Variants in RAPGEF2 observed in about 807,000 individuals in gnomAD.
The protein encoded by RAPGEF2 is Rap guanine nucleotide exchange factor 2, also known as PDZ domain containing guanine nucleotide exchange factor (GEF) 1.
RAPGEF2 carries 54 observed loss-of-function variants against 186.7 expected under a neutral mutation model. That is an observed-to-expected ratio of 0.29 (90% confidence interval 0.23 to 0.36). The LOEUF (loss-of-function observed/expected upper bound fraction) is 0.36, where lower values mean the gene tolerates loss of function less well. RAPGEF2 is among the 10% of genes least tolerant of loss of function. The pLI is 1.00. For synonymous variants in RAPGEF2, 712 were observed against 705.9 expected (o/e 1.01, Z -0.14); for missense variants, 1,532 against 2,045.0 (o/e 0.75, Z 4.84).
At position 159,353,445 on chromosome 4, in the gene RAPGEF2, A is replaced by AT; in HGVS notation, c.4092-41dup. 1 of 1,394,418 alleles carries AT rather than the reference A, an allele frequency of 7.2e-7. No individual in the cohort carries two copies. The highest frequency in any genetic ancestry group is 1.8e-5 in the South Asian group (1 of 54,140). The allele number at this position is 1,394,418 out of a possible 1,614,324, so 86.4% of individuals were successfully genotyped here. ...TTTATCATAGGTGAATTAGTTATCA[A>AT]TCTTGTTTTTTTTTTCTTTTCCATT... On this transcript the variant is annotated intron_variant, in intron 27 of 29. Coordinates refer to ENST00000691494, the MANE Select transcript of RAPGEF2 (RefSeq NM_001394067.2). The surrounding 1 kb of genome is among the most constrained non-coding windows in gnomAD (Gnocchi z 4.3).
chr4:159,216,644 G>T (rs1250556518), intron 4 of RAPGEF2, among the ~76,000 whole-genome samples: 1 of 152,028 alleles, frequency 6.6e-6, no homozygotes, highest in East Asian at 1.9e-4. Flanking sequence ...ATTGATGAGA[G>T]CTCTACTTTA....
chr4:159,298,875 G>T (rs1762327017), intron 7 of RAPGEF2, among the ~76,000 whole-genome samples: 1 of 152,152 alleles, frequency 6.6e-6, no homozygotes, highest in Non-Finnish European at 1.5e-5. Flanking sequence ...ATTTCTGTGT[G>T]CCAGGCACTT....
chr4:159,222,985 G>T (rs1751679600), intron 4 of RAPGEF2, among the ~76,000 whole-genome samples: 1 of 151,754 alleles, frequency 6.6e-6, no homozygotes, highest in African/African-American at 2.4e-5. Flanking sequence ...ACTTTATTCT[G>T]TATTATGTAC....
intron 7 of RAPGEF2, among the ~76,000 whole-genome samples, chr4:159,302,022 A>AT (rs1437748902): frequency 2.0e-5 from 3 of 152,216 alleles, no homozygotes; most frequent in Non-Finnish European, 1.5e-5. Context: ...ATAAGTATTT[A>AT]TTAAATATAA....
intron 26 of RAPGEF2, among the ~76,000 whole-genome samples, chr4:159,352,089 G>A (rs1467021355): frequency 6.6e-6 from 1 of 152,208 alleles, no homozygotes; most frequent in Non-Finnish European, 1.5e-5. Context: ...CTTGTGAAAA[G>A]TGCCCTTTAA....
chr4:159,199,624 A>G (rs1446819080), intron 3 of RAPGEF2, among the ~76,000 whole-genome samples: 1 of 152,210 alleles, frequency 6.6e-6, no homozygotes, highest in Admixed American at 6.5e-5. Context: ...TGCTTAGTGA[A>G]TAAAAACCTG....
chr4:159,207,164 A>AGCCTATTC (rs1200099450), intron 3 of RAPGEF2, among the ~76,000 whole-genome samples: 9 of 152,238 alleles, frequency 5.9e-5, no homozygotes, highest in Non-Finnish European at 1.0e-4. Flanking sequence ...GTAGAGAAAC[A>AGCCTATTC]GCCTATCTAT....
rs772740493 is a variant in RAPGEF2 at position 159,345,102 on chromosome 4, C to T, written c.3279-4C>T. On this transcript the variant is annotated splice_polypyrimidine_tract_variant and splice_region_variant and intron_variant, in intron 23 of 29. Transcript: ENST00000691494. ...AGCTGCATATGTACCTTTTCATCTT[C>T]CAGGTCTCTCAGCCAGGGTAGTACA... is the stretch of plus-strand genomic sequence containing the variant. 1.2e-5 allele frequency: 19 copies of T among 1,611,788 alleles called. 1 individual carries two copies. The East Asian group carries it at 4.2e-4, about 36-fold the overall frequency.
intron 6 of RAPGEF2, among the ~76,000 whole-genome samples, chr4:159,243,060 C>T (rs1363707015): frequency 2.0e-5 from 3 of 151,728 alleles, no homozygotes; most frequent in East Asian, 3.9e-4. Flanking sequence ...TTTCCTTACA[C>T]GGCTCCCTTT....
chr4:159,164,896 GA>G (rs1745136420), intron 1 of RAPGEF2, among the ~76,000 whole-genome samples: 1 of 152,074 alleles, frequency 6.6e-6, no homozygotes. Context: ...TTTGTTTTAA[GA>G]AAAATGAAGT....
At chr4:159,319,858 A>G (rs1293093384) in intron 9 of RAPGEF2, among the ~76,000 whole-genome samples, 2 of 152,112 alleles carry the variant, frequency 1.3e-5, no homozygotes, top group Non-Finnish European at 2.9e-5. Context: ...AAAGCACGCA[A>G]TATGTCTACA....
intron 1 of RAPGEF2, chr4:159,128,934 GTGTGTGTGTGTA>G: frequency 6.9e-6 from 1 of 145,370 alleles, no homozygotes; most frequent in African/African-American, 2.5e-5. Context: ...GTGTGTGTGT[GTGTGTGTGTGTA>G]TATATATATA....
At chr4:159,162,703 G>C (rs1561029017) in intron 1 of RAPGEF2, among the ~76,000 whole-genome samples, 1 of 152,134 alleles carries the variant, frequency 6.6e-6, no homozygotes, top group South Asian at 2.1e-4. Flanking sequence ...TGTGCATTGA[G>C]TTTTCAAATG....
rs1410623672 is a variant in RAPGEF2 at position 159,330,441 on chromosome 4, A to G, written c.1410A>G (p.Pro470=). ...CCTATAGGACTTTTCTTTCTAGCCCAATGGAAGTGGGCAAAAAGTTATTGG... is the reference window on the plus strand; with the variant it reads ...CCTATAGGACTTTTCTTTCTAGCCCGATGGAAGTGGGCAAAAAGTTATTGG... ...LLTYRTFLSS[P]MEVGKKLLEW... The change falls in exon 13 of 30, where the codon CCA becomes CCG. Residue 470 remains proline (P), a synonymous_variant. Coordinates refer to ENST00000691494, the MANE Select transcript of RAPGEF2 (RefSeq NM_001394067.2). The G allele has an allele frequency of 6.2e-7, 1 of 1,608,692 alleles. No individual in the cohort carries two copies. Among genetic ancestry groups the G allele is most frequent in the Non-Finnish European group, 8.5e-7 (1 of 1,178,662 alleles).
At position 159,330,028 on chromosome 4, in the gene RAPGEF2, T is replaced by G; in HGVS notation, c.1302+18T>G. 1 of 1,583,974 alleles carries G rather than the reference T, an allele frequency of 6.3e-7. No homozygotes were observed. On this transcript the variant is annotated intron_variant, in intron 12 of 29. Coordinates refer to ENST00000691494, the MANE Select transcript of RAPGEF2 (RefSeq NM_001394067.2). ...TCATCAAGGTAGGACACAGGACCAC[T>G]CCTTCCCAAGGAAAGGAATTTTTTT...
chr4:159,247,761 T>G (rs1010062002), intron 7 of RAPGEF2, among the ~76,000 whole-genome samples: 1 of 139,522 alleles, frequency 7.2e-6, no homozygotes, highest in Admixed American at 7.0e-5. Context: ...GTTTCTTTTT[T>G]TTTTTTTTTT....
intron 3 of RAPGEF2, among the ~76,000 whole-genome samples, chr4:159,193,895 T>C (rs1363364079): frequency 6.6e-6 from 1 of 152,226 alleles, no homozygotes; most frequent in African/African-American, 2.4e-5. Context: ...TCTAGACTTA[T>C]TATAGGGAAT....
rs562272450 is a variant in RAPGEF2, at chr4:159,284,560, G to A, written c.544-19782G>A. ...CGAATTGTAAATGAAACAGTGCCCT[G>A]GTGGGGGATACGCAGTGCCTGACTC... On this transcript the variant is annotated intron_variant, in intron 7 of 29. Transcript: ENST00000691494. 6.6e-5 allele frequency among the ~76,000 whole-genome samples: 10 copies of A among 151,048 alleles called. No homozygotes were observed. In the South Asian group the frequency reaches 2.1e-3, roughly 32 times the overall value.
chr4:159,286,200 A>G lies in RAPGEF2; in HGVS notation c.544-18142A>G, dbSNP rs1218118515. On this transcript the variant is annotated intron_variant, in intron 7 of 29. Transcript: ENST00000691494. ...ATGCACATATTGAAACCCCAAACCT[A>G]TGGATTATCTTTGGTTCCTCAGGTT... Among the ~76,000 whole-genome samples the G allele has an allele frequency of 2.6e-5, 4 of 152,068 alleles. No homozygotes were observed. The East Asian group carries it at 5.8e-4, about 22-fold the overall frequency.
Sources: gnomAD v4.1 joint callset for allele counts (sites outside exome capture counted in the v4.1 genomes callset) on GRCh38, gnomAD v4.1.1 for gene constraint, Gnocchi (gnomAD v3.1) non-coding constraint, MANE v1.5 for transcripts, NCBI Gene and HGNC (gene_info 2026-07-23, HGNC 2026-07-21) for gene names.